The following AOAH variants were observed in gnomAD, a reference collection of about 807,000 sequenced individuals.
AOAH encodes the protein acyloxyacyl hydrolase (neutrophil).
Under a neutral mutation model 92.2 loss-of-function variants are expected in AOAH, and 64 were observed. The observed-to-expected ratio is 0.69, with a 90% CI of 0.57 to 0.86. The LOEUF is 0.86. Among genes scored for constraint, AOAH ranks in the 40% least tolerant of loss-of-function variants. The pLI, the probability that AOAH is intolerant of heterozygous loss-of-function variation, is 0.00. For missense variants in AOAH, 656 were observed against 694.6 expected (o/e 0.94, Z 0.62); for synonymous variants, 263 against 254.5 (o/e 1.03, Z -0.32).
chr7:36,665,428 A>AT (rs35210064), intron 3 of AOAH, among the ~76,000 whole-genome samples: 1,966 of 142,798 alleles, frequency 0.014, 25 homozygotes, highest in Middle Eastern at 0.033. Flanking sequence ...TAGTTCTAGA[A>AT]TTTTTTTTTT....
At chr7:36,660,925 A>T (rs1438479516) in intron 3 of AOAH, 1 of 152,228 alleles carries the variant, frequency 6.6e-6, no homozygotes, top group Non-Finnish European at 1.5e-5. Context: ...ATATACTTCT[A>T]TAAGTATAAA....
At chr7:36,597,651 C>T (rs1040182390) in intron 11 of AOAH, among the ~76,000 whole-genome samples, 11 of 152,136 alleles carry the variant, frequency 7.2e-5, no homozygotes, top group Non-Finnish European at 5.9e-5. Context: ...CTCTGTCATC[C>T]GTGCAATGGC....
chr7:36,689,041 A>G (rs573205723), intron 1 of AOAH, among the ~76,000 whole-genome samples: 1 of 152,298 alleles, frequency 6.6e-6, no homozygotes, highest in African/African-American at 2.4e-5. Flanking sequence ...GAAGAGCCAC[A>G]TAAGTTGCAC....
chr7:36,632,018 T>C lies in AOAH; in HGVS notation c.521+18A>G. 6.3e-7 allele frequency: 1 copy of C among 1,595,242 alleles called. No homozygotes were observed. The highest frequency in any genetic ancestry group is 8.6e-7 in the Non-Finnish European group (1 of 1,167,104). ...TATTACATGCTAGTGCTCAGGAAGG[T>C]AGAAATTGTATACATACAATTTAAT... On this transcript the variant is annotated intron_variant, in intron 6 of 20. Coordinates refer to ENST00000617537, the MANE Select transcript of AOAH (RefSeq NM_001637.4).
intron 1 of AOAH, among the ~76,000 whole-genome samples, chr7:36,691,260 C>T (rs1797379753): frequency 1.3e-5 from 2 of 152,132 alleles, no homozygotes; most frequent in Admixed American, 1.3e-4. Flanking sequence ...TGGATAAGTA[C>T]CTTGCCAAGT....
At chr7:36,660,804 T>A (rs572119849) in intron 3 of AOAH, among the ~76,000 whole-genome samples, 1 of 152,322 alleles carries the variant, frequency 6.6e-6, no homozygotes, top group Admixed American at 6.5e-5. Context: ...AGTATAATTT[T>A]TCGAATGACA....
intron 6 of AOAH, among the ~76,000 whole-genome samples, chr7:36,629,409 C>T (rs1792908906): frequency 6.6e-6 from 1 of 152,094 alleles, no homozygotes; most frequent in South Asian, 2.1e-4. Flanking sequence ...ATGCATTCAA[C>T]AGGGAGGGGG....
chr7:36,569,366 G>T (rs1787934654), intron 13 of AOAH, among the ~76,000 whole-genome samples: 1 of 152,104 alleles, frequency 6.6e-6, no homozygotes. Context: ...GGCCATGGGT[G>T]GCCGCAATGC....
chr7:36,651,032 A>T (rs755211614), intron 4 of AOAH, among the ~76,000 whole-genome samples: 3 of 152,198 alleles, frequency 2.0e-5, no homozygotes, highest in Non-Finnish European at 4.4e-5. Flanking sequence ...CAAGGGGCTG[A>T]CGCAGGCGAG....
intron 11 of AOAH, among the ~76,000 whole-genome samples, chr7:36,608,917 G>T (rs1260637875): frequency 7.3e-6 from 1 of 136,536 alleles, no homozygotes; most frequent in South Asian, 2.7e-4. Flanking sequence ...GGGAGGGGGG[G>T]GGGTCTGGTA....
At chr7:36,697,943 G>T (rs1229353573) in intron 1 of AOAH, among the ~76,000 whole-genome samples, 2 of 152,214 alleles carry the variant, frequency 1.3e-5, no homozygotes, top group African/African-American at 2.4e-5. Flanking sequence ...GTGAAGGATT[G>T]CTGGCAACCA....
chr7:36,660,368 T>G (rs1013141120), intron 3 of AOAH, among the ~76,000 whole-genome samples: 13 of 152,182 alleles, frequency 8.5e-5, no homozygotes, highest in African/African-American at 3.1e-4. Context: ...CAGGCTGGAG[T>G]GCAGTGGAAT....
In AOAH at chr7:36,614,078, G is replaced by A. The variant is rs1320766919; in HGVS notation, c.846+2302C>T. 5.3e-5 allele frequency among the ~76,000 whole-genome samples: 8 copies of A among 152,318 alleles called. No homozygotes were observed. In the East Asian group the frequency reaches 9.6e-4, roughly 18 times the overall value. On this transcript the variant is annotated intron_variant, in intron 11 of 20. Transcript: ENST00000617537. This position sits in a 1 kb window ranked among gnomAD's most constrained non-coding sequence, Gnocchi z 4.2. ...TCTGCGGGTTAATTTCTCTGGATCA[G>A]TTTCAGTTTTCTGGGAGAGGGAAGA...
intron 1 of AOAH, among the ~76,000 whole-genome samples, chr7:36,691,362 T>C (rs1226010912): frequency 6.6e-6 from 1 of 152,186 alleles, no homozygotes; most frequent in African/African-American, 2.4e-5. Flanking sequence ...TCACCTAAAA[T>C]GTATCTTACT....
chr7:36,563,909 T>A (rs1451149285), intron 13 of AOAH, among the ~76,000 whole-genome samples: 1 of 152,176 alleles, frequency 6.6e-6, no homozygotes, highest in East Asian at 1.9e-4. Context: ...ACTTAACAAT[T>A]GTTTGTTGTG....
intron 11 of AOAH, among the ~76,000 whole-genome samples, chr7:36,598,466 C>T (rs1254996340): frequency 6.6e-6 from 1 of 152,174 alleles, no homozygotes; most frequent in Non-Finnish European, 1.5e-5. Flanking sequence ...GTTTCAGTAT[C>T]TCCAATGACT....
chr7:36,621,801 C>T, intron 7 of AOAH, 21 bp from the exon 8 acceptor site: 3 of 1,612,968 alleles, frequency 1.9e-6, no homozygotes, highest in South Asian at 2.2e-5. Flanking sequence ...AGAGCACACA[C>T]AGGAGGGGTT....
intron 2 of AOAH, among the ~76,000 whole-genome samples, chr7:36,675,685 C>T (rs1027475631): frequency 1.9e-4 from 29 of 152,140 alleles, no homozygotes; most frequent in African/African-American, 6.8e-4. Context: ...AAACCAGAAA[C>T]CTTCCTCCGA....
chr7:36,670,622 G>A (rs1276195404), intron 3 of AOAH, among the ~76,000 whole-genome samples: 1 of 152,000 alleles, frequency 6.6e-6, no homozygotes, highest in Non-Finnish European at 1.5e-5. Flanking sequence ...CTACAGGCGC[G>A]CGCCACCACA....
Sources: gnomAD v4.1 joint callset for allele counts (sites outside exome capture counted in the v4.1 genomes callset) on GRCh38, gnomAD v4.1.1 for gene constraint, Gnocchi (gnomAD v3.1) non-coding constraint, MANE v1.5 for transcripts, NCBI Gene and HGNC (gene_info 2026-07-23, HGNC 2026-07-21) for gene names.